Variants in ARK2N observed in about 807,000 individuals in gnomAD.
ARK2N encodes the protein arkadia (RNF111) N-terminal like PKA signaling regulator 2N.
At chr18:46,175,974 AAT>A in the ARK2N span, among the ~76,000 whole-genome samples, 2,647 of 152,326 alleles carry the variant, frequency 0.017, 69 homozygotes, top group African/African-American at 0.06. Flanking sequence ...TAACTGTCAT[AAT>A]ACTCTTTGTT....
At chr18:46,213,415 A>C in the ARK2N span, among the ~76,000 whole-genome samples, 1 of 151,874 alleles carries the variant, frequency 6.6e-6, no homozygotes, top group Non-Finnish European at 1.5e-5. Flanking sequence ...TGACTGGCTT[A>C]AAAAAAAGAA....
At chr18:46,219,966 AAG>A in the ARK2N span, among the ~76,000 whole-genome samples, 7 of 152,166 alleles carry the variant, frequency 4.6e-5, no homozygotes, top group Non-Finnish European at 8.8e-5. Flanking sequence ...CAGTTTGAAA[AAG>A]TTAATTTTTT....
the ARK2N span, among the ~76,000 whole-genome samples, chr18:46,207,062 C>T: frequency 1.1e-4 from 16 of 152,176 alleles, no homozygotes; most frequent in African/African-American, 3.4e-4. Context: ...AGGCATGAGC[C>T]GCTGAACCTG....
the ARK2N span, among the ~76,000 whole-genome samples, chr18:46,231,625 A>C: frequency 6.7e-6 from 1 of 149,706 alleles, no homozygotes; most frequent in Non-Finnish European, 1.5e-5. Flanking sequence ...AAGAATATAC[A>C]GTAACTAATT....
chr18:46,190,738 T>C, the ARK2N span, among the ~76,000 whole-genome samples: 1 of 152,102 alleles, frequency 6.6e-6, no homozygotes, highest in Non-Finnish European at 1.5e-5. Context: ...ACCCCTGTAG[T>C]GTAGCGTGGA....
chr18:46,265,302 A>G, the ARK2N span: 1 of 152,648 alleles, frequency 6.6e-6, no homozygotes, highest in Non-Finnish European at 1.5e-5. Context: ...ATGTTTTTGC[A>G]TGACCTGTTC....
At chr18:46,240,123 C>T in the ARK2N span, 18 of 1,614,026 alleles carry the variant, frequency 1.1e-5, no homozygotes, top group Non-Finnish European at 1.4e-5. Flanking sequence ...ATTCTGTAGG[C>T]GGCCAGGACA....
the ARK2N span, among the ~76,000 whole-genome samples, chr18:46,239,759 AGTCTT>A: frequency 1.3e-5 from 2 of 152,210 alleles, no homozygotes; most frequent in East Asian, 1.9e-4. Flanking sequence ...TGTTGAGTAT[AGTCTT>A]GTCTTCTGTT....
At chr18:46,178,515 T>C in the ARK2N span, among the ~76,000 whole-genome samples, 124 of 152,316 alleles carry the variant, frequency 8.1e-4, no homozygotes, top group East Asian at 0.021. Flanking sequence ...TTCACCATGT[T>C]GGCCAGGCTG....
At chr18:46,254,580 A>G in the ARK2N span, among the ~76,000 whole-genome samples, 1 of 152,220 alleles carries the variant, frequency 6.6e-6, no homozygotes, top group Non-Finnish European at 1.5e-5. Context: ...ATACTTTGTG[A>G]CATGTGAAAA....
chr18:46,229,566 G>A, the ARK2N span, among the ~76,000 whole-genome samples: 4 of 151,534 alleles, frequency 2.6e-5, no homozygotes, highest in Admixed American at 2.0e-4. Context: ...GGATGGTCTC[G>A]ATCTCCTGAC....
chr18:46,184,110 C>A, the ARK2N span, among the ~76,000 whole-genome samples: 2 of 152,150 alleles, frequency 1.3e-5, no homozygotes, highest in East Asian at 3.9e-4. Flanking sequence ...CCTGCCTCAG[C>A]CTCCTGAGTA....
At chr18:46,252,656 A>G in the ARK2N span, among the ~76,000 whole-genome samples, 3 of 152,154 alleles carry the variant, frequency 2.0e-5, no homozygotes, top group Non-Finnish European at 4.4e-5. Context: ...AGATCACAAT[A>G]TATTTAAATA....
the ARK2N span, among the ~76,000 whole-genome samples, chr18:46,250,491 TACACAC>T: frequency 2.3e-5 from 3 of 129,676 alleles, no homozygotes; most frequent in African/African-American, 8.7e-5. Flanking sequence ...CCTCCATTCG[TACACAC>T]ACACACACAC....
chr18:46,182,683 C>CT, the ARK2N span, among the ~76,000 whole-genome samples: 1,608 of 87,816 alleles, frequency 0.018, 50 homozygotes, highest in African/African-American at 0.036. Flanking sequence ...AGCCACAGTG[C>CT]TTTTTTTTTT....
the ARK2N span, among the ~76,000 whole-genome samples, chr18:46,206,172 A>G: frequency 4.0e-5 from 6 of 151,764 alleles, no homozygotes; most frequent in Non-Finnish European, 5.9e-5. Context: ...TGCAGCCTCA[A>G]CCTCTGAGGC....
At chr18:46,184,338 G>A in the ARK2N span, among the ~76,000 whole-genome samples, 1 of 152,130 alleles carries the variant, frequency 6.6e-6, no homozygotes, top group Non-Finnish European at 1.5e-5. Flanking sequence ...TGGCTAGGCT[G>A]GTCTCGAATT....
At chr18:46,259,243 C>CTTTTT in the ARK2N span, among the ~76,000 whole-genome samples, 11 of 136,650 alleles carry the variant, frequency 8.0e-5, no homozygotes, top group African/African-American at 1.6e-4. Context: ...TTCTTTCTTT[C>CTTTTT]TTTTTTTTTT....
the ARK2N span, among the ~76,000 whole-genome samples, chr18:46,203,605 A>G: frequency 6.6e-6 from 1 of 152,012 alleles, no homozygotes; most frequent in African/African-American, 2.4e-5. Flanking sequence ...AATTTTTCTT[A>G]AGGTTTTTTT....
Sources: gnomAD v4.1 joint callset for allele counts (sites outside exome capture counted in the v4.1 genomes callset) on GRCh38, gnomAD v4.1.1 for gene constraint, MANE v1.5 for transcripts, NCBI Gene and HGNC (gene_info 2026-07-23, HGNC 2026-07-21) for gene names.